NSL1: variants seen among roughly 807,000 people sequenced by gnomAD.
NSL1 encodes kinetochore-associated protein NSL1 homolog.
NSL1 carries 11 observed loss-of-function variants against 25.4 expected under a neutral mutation model. The observed-to-expected ratio is 0.43, with a 90% confidence interval of 0.27 to 0.72. The LOEUF is 0.72. Ranked by LOEUF, NSL1 falls within the 30% of genes least tolerant of loss-of-function variation. The probability of loss-of-function intolerance (pLI) is 0.19; values close to 1 mark genes in which losing one functional copy is unlikely to be tolerated. For synonymous variants in NSL1, 118 were observed against 120.6 expected (o/e 0.98, Z 0.14); for missense variants, 330 against 342.7 (o/e 0.96, Z 0.29).
At position 212,734,409 on chromosome 1, in the gene NSL1, AACTT is replaced by A. The variant is rs889718491; in HGVS notation, c.*3995_*3998del. 3.3e-5 allele frequency among the ~76,000 whole-genome samples: 5 copies of A among 152,230 alleles called. No individual in the cohort carries two copies. Among genetic ancestry groups the A allele is most frequent in the African/African-American group, 1.2e-4 (5 of 41,462 alleles). On this transcript the variant is annotated 3_prime_UTR_variant, in exon 6 of 6. Transcript: ENST00000366977. ...AGTTTTGTGCATTTTTAAAATATAAAACTTAAATAAAGTGCAGAAATTTTAAGTG... is the reference window on the plus strand; with the variant it reads ...AGTTTTGTGCATTTTTAAAATATAAAAAATAAAGTGCAGAAATTTTAAGTG...
chr1:212,733,441 A>C lies in NSL1; in HGVS notation c.*4967T>G, dbSNP rs1459357738. The stretch of plus-strand genomic sequence containing the variant: ...AGCAAGACCTTGTTTCACAAAAAAA[A>C]AAAAAAAAAAATCCCATACCCATTA... On this transcript the variant is annotated 3_prime_UTR_variant, in exon 6 of 6. Transcript: ENST00000366977. 1.3e-5 allele frequency among the ~76,000 whole-genome samples: 2 copies of C among 151,786 alleles called. No individual in the cohort carries two copies. The highest frequency in any genetic ancestry group is 2.9e-5 in the Non-Finnish European group (2 of 67,920).
In NSL1 at chr1:212,768,944, A is replaced by T. The variant is rs73081874; in HGVS notation, c.499+13428T>A. ...CAGAACTTCAGCTACTCAAGAGACT[A>T]AGGCAGGAGGATCCCTTGAGCCTCC... is the stretch of plus-strand genomic sequence containing the variant. On this transcript the variant is annotated intron_variant, in intron 4 of 5. Transcript: ENST00000366977. 5.2e-3 allele frequency among the ~76,000 whole-genome samples: 793 copies of T among 152,224 alleles called. 4 individuals carry two copies. The highest frequency in any genetic ancestry group is 0.018 in the African/African-American group (756 of 41,536).
At position 212,791,510 on chromosome 1, in the gene NSL1, C is replaced by G. The variant is rs376902476; in HGVS notation, c.234+20G>C. ...GGGTAAGAGGATGATGAGTAAAGAA[C>G]TGGCTAACTGGTCCCGTACCCACTG... On this transcript the variant is annotated intron_variant, in intron 1 of 5. Coordinates refer to ENST00000366977, the MANE Select transcript of NSL1 (RefSeq NM_015471.4). 1.8e-5 allele frequency: 28 copies of G among 1,599,394 alleles called. No homozygotes were observed. The highest frequency in any genetic ancestry group is 2.3e-5 in the Non-Finnish European group (27 of 1,168,764).
chr1:212,739,006 G>C (rs1486832952), intron 5 of NSL1, among the ~76,000 whole-genome samples: 3 of 152,134 alleles, frequency 2.0e-5, no homozygotes, highest in Non-Finnish European at 1.5e-5. Flanking sequence ...CAGGTGATCT[G>C]ACTGCCTTGG....
intron 3 of NSL1, 127 bp from the exon 4 acceptor site, chr1:212,782,553 ACTGT>A (rs1660774855): frequency 4.1e-6 from 3 of 724,962 alleles, no homozygotes; most frequent in Non-Finnish European, 4.8e-6. Flanking sequence ...ATTAAATCCT[ACTGT>A]CTGTAGGGAA....
At chr1:212,785,503 A>G (rs1294075973) in intron 2 of NSL1, among the ~76,000 whole-genome samples, 1 of 151,932 alleles carries the variant, frequency 6.6e-6, no homozygotes, top group Non-Finnish European at 1.5e-5. Flanking sequence ...CCCCGACCCC[A>G]CAACAGGCTC....
intron 4 of NSL1, among the ~76,000 whole-genome samples, chr1:212,741,151 G>A (rs775710298): frequency 6.6e-6 from 1 of 152,000 alleles, no homozygotes; most frequent in Non-Finnish European, 1.5e-5. Context: ...TACGATTTGA[G>A]GAGATTCCCC....
intron 4 of NSL1, among the ~76,000 whole-genome samples, chr1:212,770,011 C>A (rs1261715159): frequency 6.6e-6 from 1 of 151,970 alleles, no homozygotes; most frequent in Non-Finnish European, 1.5e-5. Context: ...AAAAGATACT[C>A]CACACAAATG....
chr1:212,756,347 T>C (rs1659308020), intron 4 of NSL1, among the ~76,000 whole-genome samples: 1 of 152,198 alleles, frequency 6.6e-6, no homozygotes, highest in South Asian at 2.1e-4. Context: ...CTCAAACTCC[T>C]GTGCTCAAGC....
intron 4 of NSL1, among the ~76,000 whole-genome samples, chr1:212,776,306 T>A (rs1660364573): frequency 6.6e-6 from 1 of 151,602 alleles, no homozygotes. Flanking sequence ...GACAGTGCAG[T>A]GAACCAAGAT....
chr1:212,728,422 G>A lies in NSL1; in HGVS notation c.*9986C>T. 1 of 985,396 alleles carries A rather than the reference G, an allele frequency of 1.0e-6. No homozygotes were observed. The highest frequency in any genetic ancestry group is 1.2e-6 in the Non-Finnish European group (1 of 829,930). The allele number at this position is 985,396 out of a possible 1,614,324, so 61.0% of individuals were successfully genotyped here. ...CCCAATCTGGGACACTATTACAGTT[G>A]TGGCTTTACTCAATCTCTTCCTTTT... is the stretch of plus-strand genomic sequence containing the variant. On this transcript the variant is annotated 3_prime_UTR_variant, in exon 6 of 6. Transcript: ENST00000366977.
chr1:212,782,481 T>C (rs1388343277), intron 3 of NSL1, 55 bp from the exon 4 acceptor site: 1 of 1,227,798 alleles, frequency 8.1e-7, no homozygotes, highest in Non-Finnish European at 1.2e-6. Flanking sequence ...CATATAAACA[T>C]CTCTTTCAGC....
intron 4 of NSL1, among the ~76,000 whole-genome samples, chr1:212,750,818 G>A (rs1408927948): frequency 6.6e-6 from 1 of 152,100 alleles, no homozygotes. Context: ...GCGGGCGCCT[G>A]TAATCCCAGC....
At chr1:212,783,012 A>T (rs1397078380) in intron 3 of NSL1, among the ~76,000 whole-genome samples, 1 of 152,152 alleles carries the variant, frequency 6.6e-6, no homozygotes, top group Admixed American at 6.5e-5. Context: ...AACAAGAAGA[A>T]AAAAAGGTCT....
At chr1:212,759,739 C>T (rs1378642838) in intron 4 of NSL1, among the ~76,000 whole-genome samples, 1 of 152,140 alleles carries the variant, frequency 6.6e-6, no homozygotes, top group Admixed American at 6.5e-5. Flanking sequence ...ACCTGGAGAG[C>T]TGCAGTGGCA....
At chr1:212,781,455 T>C (rs557841208) in intron 4 of NSL1, among the ~76,000 whole-genome samples, 69 of 152,282 alleles carry the variant, frequency 4.5e-4, no homozygotes, top group African/African-American at 1.5e-3. Flanking sequence ...CTGAGGAGTG[T>C]TAGGTCCTAG....
In NSL1 at chr1:212,730,154, G is replaced by C. The variant is rs1375654510; in HGVS notation, c.*8254C>G. 1.1e-6 allele frequency: 1 copy of C among 874,752 alleles called. No homozygotes were observed. The highest frequency in any genetic ancestry group is 1.4e-6 in the Non-Finnish European group (1 of 737,862). The allele number at this position is 874,752 out of a possible 1,614,324, so 54.2% of individuals were successfully genotyped here. On this transcript the variant is annotated 3_prime_UTR_variant, in exon 6 of 6. Transcript: ENST00000366977. ...AATCCCAGCTACTCGGGAGGCTAAGGCATGAGAACCTCTTGAACCTGGGAG... is the reference window on the plus strand; with the variant it reads ...AATCCCAGCTACTCGGGAGGCTAAGCCATGAGAACCTCTTGAACCTGGGAG...
intron 4 of NSL1, among the ~76,000 whole-genome samples, chr1:212,750,814 G>A (rs1466939635): frequency 1.3e-5 from 2 of 151,938 alleles, no homozygotes; most frequent in African/African-American, 2.4e-5. Context: ...GGTGGCGGGC[G>A]CCTGTAATCC....
At chr1:212,782,058 AAAG>A (rs1448241987) in intron 4 of NSL1, 1 of 594,994 alleles carries the variant, frequency 1.7e-6, no homozygotes, top group Admixed American at 1.9e-5. Flanking sequence ...GCTGTAATGC[AAAG>A]AATAGATAGT....
Sources: allele counts gnomAD v4.1 joint callset (sites outside exome capture counted in the v4.1 genomes callset), GRCh38; gene constraint gnomAD v4.1.1; transcripts MANE v1.5; gene names NCBI Gene and HGNC (gene_info 2026-07-23, HGNC 2026-07-21).